SYNE2: variants seen among roughly 807,000 people sequenced by gnomAD.
SYNE2 encodes spectrin repeat containing nuclear envelope protein 2.
In SYNE2, 431 loss-of-function variants were observed where a neutral mutation model predicts 856.3. The ratio of observed to expected loss-of-function variants is 0.50; its 90% confidence interval spans 0.47 to 0.55. The LOEUF (loss-of-function observed/expected upper bound fraction) is 0.55, where lower values mean the gene tolerates loss of function less well. SYNE2 is among the 20% of genes least tolerant of loss of function. The pLI is 0.00. For synonymous variants in SYNE2, 2,923 were observed against 2,872.3 expected (o/e 1.02, Z -0.56); for missense variants, 8,129 against 8,023.2 (o/e 1.01, Z -0.50).
chr14:64,198,871 T>G (rs1288068658), intron 99 of SYNE2, among the ~76,000 whole-genome samples: 1 of 152,176 alleles, frequency 6.6e-6, no homozygotes, highest in Non-Finnish European at 1.5e-5. Context: ...AAGGTATGAG[T>G]GAACATCATT....
Position 64,078,461 on chromosome 14 carries a change from C to G in SYNE2, c.11023-5C>G, listed in dbSNP as rs112833938. On this transcript the variant is annotated splice_polypyrimidine_tract_variant and splice_region_variant and intron_variant, in intron 54 of 115. Transcript: ENST00000555002. Reference sequence around the variant, plus strand: ...AAGCCAAATGCGTCTTTGTCTCTTTCACAGATTAGCAATGAAGTCTTAAAA... The same window carrying G: ...AAGCCAAATGCGTCTTTGTCTCTTTGACAGATTAGCAATGAAGTCTTAAAA... 6.2e-5 allele frequency: 100 copies of G among 1,613,740 alleles called. 2 individuals are homozygous for G. In the African/African-American group the frequency reaches 1.0e-3, roughly 17 times the overall value.
intron 96 of SYNE2, among the ~76,000 whole-genome samples, chr14:64,180,656 A>T (rs544752323): frequency 3.9e-4 from 60 of 152,200 alleles, no homozygotes; most frequent in African/African-American, 1.4e-3. Context: ...GGCACCCGCC[A>T]CCACGCCCAG....
chr14:63,810,531 G>C (rs1471245829), intron 1 of SYNE2, among the ~76,000 whole-genome samples: 2 of 152,104 alleles, frequency 1.3e-5, no homozygotes, highest in East Asian at 3.9e-4. Flanking sequence ...CCACTGGCCT[G>C]GGTAAGAATT....
chr14:64,126,121 T>C lies in SYNE2; in HGVS notation c.13555-206T>C, dbSNP rs560875032. Among the ~76,000 whole-genome samples, 307 of 152,306 alleles carry C rather than the reference T, an allele frequency of 2.0e-3. 3 individuals are homozygous for C. Among genetic ancestry groups the C allele is most frequent in the African/African-American group, 7.1e-3 (297 of 41,566 alleles). On this transcript the variant is annotated intron_variant, in intron 71 of 115. Transcript: ENST00000555002. Reference sequence around the variant, plus strand: ...GCAGTACTCAAATAACTACCTAACGTTGAGCTTCTTAAACTCATTTTTCTC... The same window carrying C: ...GCAGTACTCAAATAACTACCTAACGCTGAGCTTCTTAAACTCATTTTTCTC...
At position 63,955,013 on chromosome 14, in the gene SYNE2, AT is replaced by A. The variant is rs2096222775; in HGVS notation, c.787+102del. 1.5e-5 allele frequency: 15 copies of A among 995,418 alleles called. No homozygotes were observed. In the South Asian group the frequency reaches 1.8e-4, roughly 12 times the overall value. The allele number at this position is 995,418 out of a possible 1,614,324, so 61.7% of individuals were successfully genotyped here. ...ACATGAATAAACATAGTGGCACTCT[AT>A]TTTAGTCCTGGAGGGTTTAACTTAA... On this transcript the variant is annotated intron_variant, in intron 8 of 115. Coordinates refer to ENST00000555002, the MANE Select transcript of SYNE2 (RefSeq NM_182914.3).
At chr14:63,809,065 T>C (rs545488184) in intron 1 of SYNE2, among the ~76,000 whole-genome samples, 2 of 151,954 alleles carry the variant, frequency 1.3e-5, no homozygotes, top group African/African-American at 4.8e-5. Flanking sequence ...GGCCCGGAGG[T>C]CACACTGAAC....
Position 63,963,887 on chromosome 14 carries a change from T to C in SYNE2, c.889-12T>C, listed in dbSNP as rs2096355359. On this transcript the variant is annotated splice_polypyrimidine_tract_variant and intron_variant, in intron 9 of 115. Transcript: ENST00000555002. Reference sequence around the variant, plus strand: ...TTAAAATATAGTTTAATTTTGTGTGTGTAAAATACAGGGAAAGGTGAAAGA... The same window carrying C: ...TTAAAATATAGTTTAATTTTGTGTGCGTAAAATACAGGGAAAGGTGAAAGA... The C allele has an allele frequency of 6.3e-7, 1 of 1,594,944 alleles. No homozygotes were observed. The highest frequency in any genetic ancestry group is 1.3e-5 in the African/African-American group (1 of 74,452).
chr14:63,826,325 G>A (rs961953011), intron 1 of SYNE2, among the ~76,000 whole-genome samples: 3 of 151,872 alleles, frequency 2.0e-5, no homozygotes, highest in Non-Finnish European at 4.4e-5. Flanking sequence ...TTTTGAGACC[G>A]AGTCTCGCTC....
At chr14:63,959,010 C>G (rs2096274589) in intron 8 of SYNE2, among the ~76,000 whole-genome samples, 1 of 152,126 alleles carries the variant, frequency 6.6e-6, no homozygotes, top group South Asian at 2.1e-4. Flanking sequence ...TTCTTACTTT[C>G]TGGCCTGACA....
chr14:64,103,172 T>C (rs962725067), intron 64 of SYNE2, among the ~76,000 whole-genome samples: 2 of 152,206 alleles, frequency 1.3e-5, no homozygotes, highest in East Asian at 3.9e-4. Flanking sequence ...TCTATTTCTA[T>C]TGTGTACTTA....
intron 97 of SYNE2, 142 bp downstream of exon 97, chr14:64,186,721 A>C: frequency 1.9e-6 from 2 of 1,045,616 alleles, no homozygotes; most frequent in East Asian, 4.9e-5. Context: ...CTGCTCCTTT[A>C]GAAGGCAGCA....
intron 45 of SYNE2, among the ~76,000 whole-genome samples, chr14:64,045,480 A>G (rs1473812262): frequency 1.3e-5 from 2 of 152,148 alleles, no homozygotes; most frequent in African/African-American, 4.8e-5. Context: ...AGTAACCATC[A>G]GATAGAAAGG....
At chr14:63,923,025 A>G (rs962764191) in intron 2 of SYNE2, among the ~76,000 whole-genome samples, 2 of 152,202 alleles carry the variant, frequency 1.3e-5, no homozygotes, top group African/African-American at 4.8e-5. Context: ...TTTTCAAAAG[A>G]AAAGTGTTCA....
intron 1 of SYNE2, among the ~76,000 whole-genome samples, chr14:63,811,215 A>G (rs1045707329): frequency 2.0e-5 from 3 of 152,122 alleles, no homozygotes; most frequent in African/African-American, 4.8e-5. Flanking sequence ...GTAACAAGAC[A>G]AAATTGGAAA....
intron 18 of SYNE2, among the ~76,000 whole-genome samples, chr14:63,985,131 A>G (rs2153477692): frequency 6.6e-6 from 1 of 152,288 alleles, no homozygotes. Context: ...GGAGTTTGAG[A>G]CCAGCCTGGC....
chr14:63,959,705 T>C (rs1198494662), intron 8 of SYNE2, among the ~76,000 whole-genome samples: 1 of 152,158 alleles, frequency 6.6e-6, no homozygotes, highest in Non-Finnish European at 1.5e-5. Context: ...CTTCCTTTTT[T>C]ACCTTCTTTT....
chr14:64,120,991 T>G lies in SYNE2; in HGVS notation c.13088T>G (p.Leu4363Arg), dbSNP rs1386903615. 1.2e-6 allele frequency: 2 copies of G among 1,614,046 alleles called. No homozygotes were observed. Among genetic ancestry groups the G allele is most frequent in the Non-Finnish European group, 1.7e-6 (2 of 1,180,022 alleles). Residue 4363 changes from leucine (L) to arginine (R), a missense_variant, in exon 68 of 116, where the codon CTT (leucine) becomes CGT (arginine). Around this residue, in one of 3 missense-constraint regions of SYNE2, gnomAD observed 5,410 missense variants for 5,284.8 expected, o/e 1.02. Coordinates refer to ENST00000555002, the MANE Select transcript of SYNE2 (RefSeq NM_182914.3). ...CAAGAAGCTCTCCAACCAGTTAACC[T>G]TTCTGAATTGGAATCCATTGTAACT... is the stretch of plus-strand genomic sequence containing the variant. ...EHQEALQPVNLSELESIVTER... is the reference protein window; with the variant it reads ...EHQEALQPVNRSELESIVTER...
chr14:64,183,035 C>T (rs1238578070), intron 96 of SYNE2, among the ~76,000 whole-genome samples: 1 of 149,750 alleles, frequency 6.7e-6, no homozygotes, highest in Non-Finnish European at 1.5e-5. Context: ...GCCTCCCTCC[C>T]GGACGGGGCG....
chr14:64,039,133 T>C (rs911882921), intron 45 of SYNE2, among the ~76,000 whole-genome samples: 1 of 152,218 alleles, frequency 6.6e-6, no homozygotes, highest in Non-Finnish European at 1.5e-5. Context: ...TGATGTATGC[T>C]TATGCAAGAG....
Sources: allele counts gnomAD v4.1 joint callset (sites outside exome capture counted in the v4.1 genomes callset), GRCh38; gene constraint gnomAD v4.1.1; regional missense constraint gnomAD v4.1.1; transcripts MANE v1.5; gene names NCBI Gene and HGNC (gene_info 2026-07-23, HGNC 2026-07-21).